The following ITGA1 variants were observed in gnomAD, a reference collection of about 807,000 sequenced individuals.
ITGA1 encodes the protein integrin subunit alpha 1, also known as integrin alpha-1.
ITGA1 carries 85 observed loss-of-function variants against 145.9 expected under a neutral mutation model. The observed-to-expected ratio is 0.58, with a 90% CI of 0.49 to 0.70. The LOEUF is 0.70. Among genes scored for constraint, ITGA1 ranks in the 30% least tolerant of loss-of-function variants. The probability of loss-of-function intolerance (pLI) is 0.00; values close to 1 mark genes in which losing one functional copy is unlikely to be tolerated. For missense variants in ITGA1, 1,351 were observed against 1,418.7 expected (o/e 0.95, Z 0.77); for synonymous variants, 520 against 495.3 (o/e 1.05, Z -0.66).
chr5:52,904,172 C>T (rs1006325713), intron 11 of ITGA1: 2 of 152,250 alleles, frequency 1.3e-5, no homozygotes, highest in African/African-American at 4.8e-5. Context: ...CAAAAGAGTG[C>T]TGAAAGTTTG....
chr5:52,802,230 G>A (rs996848438), intron 1 of ITGA1: 1 of 159,086 alleles, frequency 6.3e-6, no homozygotes, highest in African/African-American at 2.4e-5. Context: ...ATCTTATCCT[G>A]TTTACATTAT....
chr5:52,822,392 C>T (rs892943334), intron 1 of ITGA1, among the ~76,000 whole-genome samples: 12 of 152,196 alleles, frequency 7.9e-5, no homozygotes, highest in Non-Finnish European at 1.3e-4. Flanking sequence ...GAAACTCAGT[C>T]CTCATCCAAC....
chr5:52,797,197 C>A (rs17209760), intron 1 of ITGA1, among the ~76,000 whole-genome samples: 12 of 151,728 alleles, frequency 7.9e-5, no homozygotes, highest in Non-Finnish European at 1.3e-4. Context: ...AAAAAGTTCC[C>A]AACTATTGCA....
intron 24 of ITGA1, among the ~76,000 whole-genome samples, chr5:52,939,139 GTGATCCA>G (rs1169991221): frequency 6.6e-6 from 1 of 152,110 alleles, no homozygotes; most frequent in Non-Finnish European, 1.5e-5. Flanking sequence ...CTGACCTCAG[GTGATCCA>G]CCCACCTCGG....
At chr5:52,860,261 C>T (rs1043002488) in intron 2 of ITGA1, among the ~76,000 whole-genome samples, 5 of 152,114 alleles carry the variant, frequency 3.3e-5, no homozygotes, top group Non-Finnish European at 7.4e-5. Flanking sequence ...ATAAAGTTGT[C>T]ATCTGGCTGG....
intron 8 of ITGA1, among the ~76,000 whole-genome samples, chr5:52,891,880 A>G (rs1194329636): frequency 6.6e-6 from 1 of 152,018 alleles, no homozygotes; most frequent in Non-Finnish European, 1.5e-5. Flanking sequence ...TGTTTTCATT[A>G]TCTTGAACAT....
chr5:52,860,403 G>A (rs113580935), intron 2 of ITGA1, among the ~76,000 whole-genome samples: 124 of 152,118 alleles, frequency 8.2e-4, no homozygotes, highest in African/African-American at 2.7e-3. Flanking sequence ...AAAATTAGTC[G>A]GGCGTGGTGG....
At chr5:52,800,777 C>T (rs1432168507) in intron 1 of ITGA1, 1 of 1,614,000 alleles carries the variant, frequency 6.2e-7, no homozygotes, top group East Asian at 2.2e-5. Flanking sequence ...ATCGAGCAGG[C>T]CTGTGACCCA....
chr5:52,901,496 T>C (rs1172098120), intron 11 of ITGA1, among the ~76,000 whole-genome samples: 1 of 152,216 alleles, frequency 6.6e-6, no homozygotes, highest in African/African-American at 2.4e-5. Flanking sequence ...CTAATAAGTA[T>C]TGAGTATTTA....
intron 8 of ITGA1, among the ~76,000 whole-genome samples, chr5:52,892,948 A>C (rs1038428624): frequency 2.0e-5 from 3 of 152,094 alleles, no homozygotes; most frequent in African/African-American, 7.2e-5. Context: ...CACTCATAGA[A>C]TTGTACATCT....
intron 1 of ITGA1, among the ~76,000 whole-genome samples, 163 bp from the exon 2 acceptor site, chr5:52,849,202 T>C: frequency 6.6e-6 from 1 of 152,208 alleles, no homozygotes; most frequent in East Asian, 1.9e-4. Context: ...CAGTTAGTAA[T>C]ACAGTTAAGA....
rs1749395967 is a variant in ITGA1, at chr5:52,849,541, T to C, written c.182+56T>C. The C allele has an allele frequency of 2.1e-6, 3 of 1,398,186 alleles. No individual in the cohort carries two copies. In the East Asian group the frequency reaches 7.1e-5, roughly 33 times the overall value. The allele number at this position is 1,398,186 out of a possible 1,614,324, so 86.6% of individuals were successfully genotyped here. A position where few individuals can be genotyped will look rare whatever the true frequency, so the allele number is the denominator to read the frequency against. On this transcript the variant is annotated intron_variant, in intron 2 of 28. Transcript: ENST00000282588. ...ACTTATTTCACAAGGTAATGAGAAA[T>C]ATTATTTGACTACAGTTTCTTTTAT...
At chr5:52,944,320 G>A (rs1751098355) in intron 26 of ITGA1, among the ~76,000 whole-genome samples, 1 of 152,082 alleles carries the variant, frequency 6.6e-6, no homozygotes, top group Non-Finnish European at 1.5e-5. Flanking sequence ...CTGTCCCTCA[G>A]TCCCCTCCCT....
intron 1 of ITGA1, among the ~76,000 whole-genome samples, chr5:52,834,950 GAGAAGGACAAAGAAGAAAGGTAGA>G (rs1339687036): frequency 1.3e-5 from 2 of 152,132 alleles, no homozygotes; most frequent in African/African-American, 4.8e-5. Flanking sequence ...TCATAACTGA[GAGAAGGACAAAGAAGAAAGGTAGA>G]AGAAGGATAA....
At chr5:52,946,400 A>T (rs1751136148) in intron 27 of ITGA1, among the ~76,000 whole-genome samples, 1 of 152,198 alleles carries the variant, frequency 6.6e-6, no homozygotes, top group South Asian at 2.1e-4. Context: ...AGAAACTGTC[A>T]TAATGGTCTG....
rs1207452674 is a variant in ITGA1, at chr5:52,820,511, T to C, written c.62-28854T>C. On this transcript the variant is annotated intron_variant, in intron 1 of 28. Transcript: ENST00000282588. ...ACGTTGTGCACATGTACCCTAAAACTTAAAGTATAATAAAAAAAAAAAAGA... is the reference window on the plus strand; with the variant it reads ...ACGTTGTGCACATGTACCCTAAAACCTAAAGTATAATAAAAAAAAAAAAGA... 3.1e-5 allele frequency among the ~76,000 whole-genome samples: 3 copies of C among 97,938 alleles called. No individual in the cohort carries two copies. The South Asian group carries it at 1.3e-3, about 41-fold the overall frequency. 64.3% of individuals were successfully genotyped at this position (97,938 alleles called of 152,430 possible). A position where few individuals can be genotyped will look rare whatever the true frequency, so the allele number is the denominator to read the frequency against.
At chr5:52,933,835 A>G in intron 22 of ITGA1, 59 bp from the exon 23 acceptor site, 1 of 795,632 alleles carries the variant, frequency 1.3e-6, no homozygotes, top group Non-Finnish European at 2.0e-6. Context: ...GAAAATAATG[A>G]GGCCAAATAA....
chr5:52,836,987 T>A (rs750342200), intron 1 of ITGA1, among the ~76,000 whole-genome samples: 28 of 152,144 alleles, frequency 1.8e-4, no homozygotes, highest in Admixed American at 6.6e-5. Context: ...CAAATAGCAA[T>A]GTGCCCTCTA....
intron 17 of ITGA1, 94 bp from the exon 18 acceptor site, chr5:52,922,683 G>C: frequency 1.2e-6 from 1 of 800,810 alleles, no homozygotes; most frequent in East Asian, 2.5e-5. Context: ...GCTGCAGTAA[G>C]CCTGACCCTT....
Sources: gnomAD v4.1 joint callset for allele counts (sites outside exome capture counted in the v4.1 genomes callset) on GRCh38, gnomAD v4.1.1 for gene constraint, MANE v1.5 for transcripts, NCBI Gene and HGNC (gene_info 2026-07-23, HGNC 2026-07-21) for gene names.